EYS: variants seen among roughly 807,000 people sequenced by gnomAD.
EYS encodes the protein protein eyes shut homolog.
A neutral mutation model predicts 282.1 loss-of-function variants in EYS; 250 were observed. The observed-to-expected ratio is 0.89, with a 90% CI of 0.80 to 0.98. EYS has a LOEUF of 0.98. EYS is among the 50% of genes least tolerant of loss of function. EYS has a pLI of 0.00. For synonymous variants in EYS, 1,355 were observed against 1,282.9 expected (o/e 1.06, Z -1.20); for missense variants, 4,016 against 3,709.0 (o/e 1.08, Z -2.15).
intron 2 of EYS, among the ~76,000 whole-genome samples, chr6:65,516,602 CA>C (rs1767145243): frequency 6.6e-6 from 1 of 152,012 alleles, no homozygotes; most frequent in African/African-American, 2.4e-5. Flanking sequence ...GCAAGAGTTA[CA>C]ATTTTATTAA....
At chr6:64,894,511 G>A (rs1767392441) in intron 18 of EYS, among the ~76,000 whole-genome samples, 1 of 152,098 alleles carries the variant, frequency 6.6e-6, no homozygotes, top group Non-Finnish European at 1.5e-5. Context: ...GTATAGTTCT[G>A]GAGGACAGAG....
At chr6:65,517,359 T>A (rs3846800) in intron 2 of EYS, among the ~76,000 whole-genome samples, 1 of 149,836 alleles carries the variant, frequency 6.7e-6, no homozygotes, top group Admixed American at 6.6e-5. Context: ...AAACAAAAGC[T>A]CAAACCTTAA....
chr6:64,824,228 T>G (rs1176967129), intron 19 of EYS, among the ~76,000 whole-genome samples: 1 of 151,822 alleles, frequency 6.6e-6, no homozygotes, highest in African/African-American at 2.4e-5. Flanking sequence ...CTCTTAAGTC[T>G]TTCACCTACA....
chr6:64,567,361 T>C (rs1462689721), intron 26 of EYS, among the ~76,000 whole-genome samples: 1 of 152,122 alleles, frequency 6.6e-6, no homozygotes, highest in Non-Finnish European at 1.5e-5. Flanking sequence ...AAAGAATGGG[T>C]TTCTTGCCAT....
chr6:65,276,435 A>T (rs1030738951), intron 12 of EYS, among the ~76,000 whole-genome samples: 1 of 151,894 alleles, frequency 6.6e-6, no homozygotes, highest in Non-Finnish European at 1.5e-5. Flanking sequence ...GATTCCTGAC[A>T]CTTAGTTAAG....
intron 31 of EYS, among the ~76,000 whole-genome samples, chr6:64,209,910 T>C (rs756536941): frequency 2.6e-5 from 4 of 152,194 alleles, no homozygotes; most frequent in African/African-American, 9.6e-5. Flanking sequence ...CAATGACGTG[T>C]CATGAGCCCT....
At chr6:64,108,293 C>T (rs747498576) in intron 31 of EYS, among the ~76,000 whole-genome samples, 36 of 152,116 alleles carry the variant, frequency 2.4e-4, no homozygotes, top group Non-Finnish European at 5.0e-4. Flanking sequence ...CTGGTTCTCA[C>T]GGAGATTTCT....
At chr6:64,144,584 A>T (rs1774448169) in intron 31 of EYS, among the ~76,000 whole-genome samples, 1 of 152,214 alleles carries the variant, frequency 6.6e-6, no homozygotes, top group South Asian at 2.1e-4. Flanking sequence ...CTTGTTTTCC[A>T]CGTTCTCCTA....
At chr6:63,920,692 A>G (rs1764544831) in intron 35 of EYS, among the ~76,000 whole-genome samples, 1 of 152,174 alleles carries the variant, frequency 6.6e-6, no homozygotes, top group East Asian at 1.9e-4. Flanking sequence ...GTACTTTCCA[A>G]AAAAACAAAC....
At chr6:65,064,396 C>T (rs540821326) in intron 12 of EYS, among the ~76,000 whole-genome samples, 17 of 141,962 alleles carry the variant, frequency 1.2e-4, no homozygotes, top group Admixed American at 2.2e-4. Context: ...ATATAGTATA[C>T]GATATATCAT....
rs60684321 is a variant in EYS, at chr6:64,989,394, A to AATATATATATATATATATATATATATAT, written c.2259+8187_2259+8188insATATATATATATATATATATATATATAT. Among the ~76,000 whole-genome samples, 179 of 69,704 alleles carry AATATATATATATATATATATATATATAT rather than the reference A, an allele frequency of 2.6e-3. 22 individuals carry two copies. The highest frequency in any genetic ancestry group is 3.5e-3 in the Non-Finnish European group (132 of 38,130). The allele number at this position is 69,704 out of a possible 152,430, so 45.7% of individuals were successfully genotyped here. On this transcript the variant is annotated intron_variant, in intron 14 of 42. Coordinates refer to ENST00000503581, the MANE Select transcript of EYS (RefSeq NM_001142800.2). ...AAGAGGCTATTTACTGGCTAGCTGT[A>AATATATATATATATATATATATATATAT]ATATATATATATATATATATATGAA...
chr6:64,887,786 G>C (rs1198672300), intron 18 of EYS, among the ~76,000 whole-genome samples: 1 of 152,018 alleles, frequency 6.6e-6, no homozygotes, highest in African/African-American at 2.4e-5. Flanking sequence ...TCAGGAACAG[G>C]ACAGGAATAC....
rs141998644 is a variant in EYS, at chr6:65,703,151, A to G, written c.-448+3984T>C. Among the ~76,000 whole-genome samples, 560 of 152,162 alleles carry G rather than the reference A, an allele frequency of 3.7e-3. 6 individuals carry two copies. The highest frequency in any genetic ancestry group is 0.013 in the African/African-American group (529 of 41,522). On this transcript the variant is annotated intron_variant, in intron 1 of 42. Coordinates refer to ENST00000503581, the MANE Select transcript of EYS (RefSeq NM_001142800.2). ...CAGACATGCCAACCTGCACAATCCCATGAACCAATTCCTTAAAGTGCCTCT... is the reference window on the plus strand; with the variant it reads ...CAGACATGCCAACCTGCACAATCCCGTGAACCAATTCCTTAAAGTGCCTCT...
At chr6:65,476,994 C>A (rs1286453755) in intron 5 of EYS, among the ~76,000 whole-genome samples, 2 of 152,106 alleles carry the variant, frequency 1.3e-5, no homozygotes, top group Non-Finnish European at 2.9e-5. Context: ...AATCAACATT[C>A]TAAGAAATCC....
In EYS at chr6:63,924,206, T is replaced by A. The variant is rs117463147; in HGVS notation, c.7056-59848A>T. 1.7e-3 allele frequency among the ~76,000 whole-genome samples: 258 copies of A among 152,346 alleles called. 3 individuals carry two copies. In the East Asian group the frequency reaches 0.042, roughly 25 times the overall value. On this transcript the variant is annotated intron_variant, in intron 35 of 42. Coordinates refer to ENST00000503581, the MANE Select transcript of EYS (RefSeq NM_001142800.2). ...TAATTGGGTCTTATGCTACAGTTTC[T>A]AAAATGTGAAATGATGGGGTGATTG...
chr6:65,018,562 A>G (rs1772134222), intron 13 of EYS, among the ~76,000 whole-genome samples: 1 of 152,198 alleles, frequency 6.6e-6, no homozygotes, highest in Non-Finnish European at 1.5e-5. Context: ...AGGTAATATT[A>G]TTACAATAAA....
rs1280775639 is a variant in EYS, at chr6:63,984,484, T to C, written c.6954A>G (p.Glu2318=). 6.5e-7 allele frequency: 1 copy of C among 1,549,590 alleles called. No homozygotes were observed. Among genetic ancestry groups the C allele is most frequent in the East Asian group, 2.4e-5 (1 of 40,844 alleles). The change falls in exon 35 of 43, where the codon GAA becomes GAG. Residue 2318 remains glutamate (E), a synonymous_variant. Coordinates refer to ENST00000503581, the MANE Select transcript of EYS (RefSeq NM_001142800.2). ...CILDLQVNNK[E]FFIIDEARHG... ...GTCGTGCTTCATCGATGATGAAGAATTCTTTGTTGTTTACTTGAAGGTCTA... is the reference window on the plus strand; with the variant it reads ...GTCGTGCTTCATCGATGATGAAGAACTCTTTGTTGTTTACTTGAAGGTCTA...
At chr6:65,008,203 G>A (rs562334279) in intron 13 of EYS, among the ~76,000 whole-genome samples, 1 of 152,252 alleles carries the variant, frequency 6.6e-6, no homozygotes, top group South Asian at 2.1e-4. Context: ...TATAACACGG[G>A]GAAAGGAAGA....
chr6:63,772,680 C>T (rs527613945), intron 40 of EYS, among the ~76,000 whole-genome samples: 1 of 152,124 alleles, frequency 6.6e-6, no homozygotes, highest in Non-Finnish European at 1.5e-5. Context: ...AGTTCATTTC[C>T]TAATTTTTCT....
Sources: allele counts gnomAD v4.1 joint callset (sites outside exome capture counted in the v4.1 genomes callset), GRCh38; gene constraint gnomAD v4.1.1; transcripts MANE v1.5; gene names NCBI Gene and HGNC (gene_info 2026-07-23, HGNC 2026-07-21).